CFDP1: variants seen among roughly 807,000 people sequenced by gnomAD.
CFDP1 encodes the protein heterochromatin-stabilizing protein CFDP1.
A neutral mutation model predicts 40.1 loss-of-function variants in CFDP1; 31 were observed. The ratio of observed to expected loss-of-function variants is 0.77; its 90% confidence interval spans 0.58 to 1.04. The LOEUF (loss-of-function observed/expected upper bound fraction) is 1.04, where lower values mean the gene tolerates loss of function less well. Ranked by LOEUF, CFDP1 falls within the 50% of genes least tolerant of loss-of-function variation. The pLI is 0.00. For synonymous variants in CFDP1, 167 were observed against 120.0 expected (o/e 1.39, Z -2.56); for missense variants, 423 against 343.4 (o/e 1.23, Z -1.83).
intron 5 of CFDP1, among the ~76,000 whole-genome samples, chr16:75,367,288 T>A (rs1567658787): frequency 6.6e-6 from 1 of 151,732 alleles, no homozygotes; most frequent in Non-Finnish European, 1.5e-5. Context: ...TAGAAAAATT[T>A]AGGGAGAGTA....
At chr16:75,410,908 CAAA>C (rs74355496) in intron 4 of CFDP1, among the ~76,000 whole-genome samples, 5 of 62,596 alleles carry the variant, frequency 8.0e-5, no homozygotes, top group Non-Finnish European at 1.2e-4. Context: ...GACTCTGTCT[CAAA>C]AAAAAAAAAA....
intron 5 of CFDP1, among the ~76,000 whole-genome samples, chr16:75,393,991 C>A (rs2151563051): frequency 6.6e-6 from 1 of 152,060 alleles, no homozygotes; most frequent in Non-Finnish European, 1.5e-5. Flanking sequence ...GGAGGCGGAG[C>A]TTGCAGTGAG....
chr16:75,304,087 G>C (rs2078242082), intron 6 of CFDP1, among the ~76,000 whole-genome samples: 1 of 150,404 alleles, frequency 6.6e-6, no homozygotes. Flanking sequence ...TTTCTTTCTT[G>C]ATACACAGTC....
At chr16:75,389,659 G>C (rs887035500) in intron 5 of CFDP1, among the ~76,000 whole-genome samples, 3 of 110,816 alleles carry the variant, frequency 2.7e-5, no homozygotes, top group African/African-American at 8.2e-5. Context: ...AACTGAAGCA[G>C]CTCCCAAAAT....
At chr16:75,409,475 T>C (rs1192491788) in intron 4 of CFDP1, 1 of 152,174 alleles carries the variant, frequency 6.6e-6, no homozygotes, top group Non-Finnish European at 1.5e-5. Context: ...TTAGTAAAAA[T>C]TTAGTTATCT....
intron 5 of CFDP1, among the ~76,000 whole-genome samples, chr16:75,317,383 A>G (rs1186088763): frequency 6.6e-6 from 1 of 152,166 alleles, no homozygotes; most frequent in African/African-American, 2.4e-5. Flanking sequence ...AACCACTCCC[A>G]TGGTGGGGGA....
intron 1 of CFDP1, among the ~76,000 whole-genome samples, chr16:75,417,367 A>G (rs765419356): frequency 1.3e-5 from 2 of 152,188 alleles, no homozygotes; most frequent in Non-Finnish European, 2.9e-5. Context: ...TGGTCCATCT[A>G]AATAATGGAA....
chr16:75,333,268 C>T (rs922450966), intron 5 of CFDP1, among the ~76,000 whole-genome samples: 7 of 151,952 alleles, frequency 4.6e-5, no homozygotes, highest in Non-Finnish European at 1.0e-4. Context: ...GGACTACAGG[C>T]GCACGCCGCC....
chr16:75,327,720 A>AATT (rs779034302), intron 5 of CFDP1, among the ~76,000 whole-genome samples: 23 of 152,018 alleles, frequency 1.5e-4, no homozygotes, highest in African/African-American at 5.3e-4. Context: ...GTCAACGCCA[A>AATT]ATTATTATTA....
intron 5 of CFDP1, among the ~76,000 whole-genome samples, chr16:75,341,492 T>C (rs1314745471): frequency 6.6e-6 from 1 of 152,154 alleles, no homozygotes; most frequent in East Asian, 1.9e-4. Context: ...AGATTGGTAG[T>C]TTTTCTCCAA....
At chr16:75,316,162 A>C (rs1412698915) in intron 5 of CFDP1, among the ~76,000 whole-genome samples, 2 of 152,212 alleles carry the variant, frequency 1.3e-5, no homozygotes, top group Non-Finnish European at 2.9e-5. Context: ...CATCAGAGGC[A>C]CTAGTGTCAG....
intron 4 of CFDP1, among the ~76,000 whole-genome samples, chr16:75,408,927 G>T (rs897575124): frequency 2.0e-5 from 3 of 151,152 alleles, no homozygotes; most frequent in African/African-American, 7.3e-5. Context: ...GTACGATCTC[G>T]GCTCACTGCA....
intron 5 of CFDP1, among the ~76,000 whole-genome samples, chr16:75,319,009 A>G (rs534774087): frequency 2.4e-4 from 37 of 152,326 alleles, no homozygotes; most frequent in Non-Finnish European, 4.7e-4. Flanking sequence ...GGAGCCGAAC[A>G]CATTTTGCAA....
intron 5 of CFDP1, among the ~76,000 whole-genome samples, chr16:75,318,880 C>G (rs1261886486): frequency 6.6e-6 from 1 of 152,110 alleles, no homozygotes; most frequent in Non-Finnish European, 1.5e-5. Flanking sequence ...CAGGGGTGTC[C>G]TCAGTCAAAT....
intron 5 of CFDP1, among the ~76,000 whole-genome samples, chr16:75,334,858 G>C (rs769832584): frequency 2.6e-5 from 4 of 152,074 alleles, no homozygotes; most frequent in Non-Finnish European, 5.9e-5. Context: ...GGGAGGCTGA[G>C]GCACAAGAAT....
At chr16:75,425,119 T>C (rs2079322858) in intron 1 of CFDP1, among the ~76,000 whole-genome samples, 1 of 152,036 alleles carries the variant, frequency 6.6e-6, no homozygotes, top group African/African-American at 2.4e-5. Context: ...GACTAAAATA[T>C]AAGATCGTTA....
At chr16:75,397,040 A>G (rs933054862) in intron 4 of CFDP1, among the ~76,000 whole-genome samples, 9 of 152,006 alleles carry the variant, frequency 5.9e-5, no homozygotes, top group Admixed American at 3.9e-4. Context: ...CAGCCTCCCA[A>G]GCAGCTGGGA....
chr16:75,414,438 A>T (rs1698740268), intron 2 of CFDP1, 140 bp downstream of exon 2: 1 of 651,386 alleles, frequency 1.5e-6, no homozygotes, highest in South Asian at 2.1e-5. Flanking sequence ...GTTAATCCTA[A>T]AATAACAGCA....
chr16:75,400,466 G>A (rs952637406), intron 4 of CFDP1, among the ~76,000 whole-genome samples: 4 of 152,086 alleles, frequency 2.6e-5, no homozygotes, highest in Admixed American at 6.6e-5. Flanking sequence ...GGAACCTTTC[G>A]AGGTAGAGGA....
Sources: allele counts gnomAD v4.1 joint callset (sites outside exome capture counted in the v4.1 genomes callset), GRCh38; gene constraint gnomAD v4.1.1; transcripts MANE v1.5; gene names NCBI Gene and HGNC (gene_info 2026-07-23, HGNC 2026-07-21).